Variants in NUP188 observed in about 807,000 individuals in gnomAD.
NUP188 encodes the protein nucleoporin 188.
A neutral mutation model predicts 223.0 loss-of-function variants in NUP188; 97 were observed. The observed-to-expected ratio is 0.43, with a 90% CI of 0.37 to 0.51. NUP188 has a LOEUF of 0.51. Ranked by LOEUF, NUP188 falls within the 20% of genes least tolerant of loss-of-function variation. The probability of loss-of-function intolerance (pLI) is 0.00; values close to 1 mark genes in which losing one functional copy is unlikely to be tolerated. For missense variants in NUP188, 1,947 were observed against 2,175.6 expected (o/e 0.89, Z 2.09); for synonymous variants, 869 against 828.0 (o/e 1.05, Z -0.85).
At chr9:128,990,621 T>C (rs549961970) in intron 25 of NUP188, among the ~76,000 whole-genome samples, 1 of 152,138 alleles carries the variant, frequency 6.6e-6, no homozygotes, top group Non-Finnish European at 1.5e-5. Context: ...TCCCAGCACT[T>C]TGGGAGGCCG....
intron 9 of NUP188, 78 bp from the exon 10 acceptor site, chr9:128,969,322 G>A (rs1842073302): frequency 4.7e-6 from 4 of 859,736 alleles, no homozygotes; most frequent in Non-Finnish European, 7.6e-6. Context: ...TGATATCGCA[G>A]TGTCTTATAT....
intron 17 of NUP188, 29 bp from the exon 18 acceptor site, chr9:128,983,264 T>C (rs745667514): frequency 7.6e-6 from 12 of 1,587,734 alleles, no homozygotes; most frequent in African/African-American, 1.3e-5. Flanking sequence ...ATTTGCTTTA[T>C]TGAGTATAGT....
Position 128,995,355 on chromosome 9 carries a change from G to A in NUP188, c.3192G>A (p.Lys1064=). 2 of 1,614,170 alleles carry A rather than the reference G, an allele frequency of 1.2e-6. No individual in the cohort carries two copies. The highest frequency in any genetic ancestry group is 2.2e-5 in the East Asian group (1 of 44,888). The change falls in exon 30 of 44, where the codon AAG becomes AAA. Residue 1064 remains lysine, a synonymous_variant. Transcript: ENST00000372577. ...ACCAGTCATTAAAGGATACACTGAAGAAATTTTCCATCGAGAAACGCTTTG... is the reference window on the plus strand; with the variant it reads ...ACCAGTCATTAAAGGATACACTGAAAAAATTTTCCATCGAGAAACGCTTTG... ...SLDQSLKDTL[K]KFSIEKRFAY... is the part of the protein sequence containing the mutation.
At chr9:129,001,293 GT>G (rs750839281) in intron 34 of NUP188, among the ~76,000 whole-genome samples, 38 of 152,222 alleles carry the variant, frequency 2.5e-4, no homozygotes, top group Non-Finnish European at 5.1e-4. Flanking sequence ...AGAGGCGGGG[GT>G]AGCTCTGGTC....
At chr9:128,988,787 C>T (rs1214675597) in intron 24 of NUP188, among the ~76,000 whole-genome samples, 3 of 130,032 alleles carry the variant, frequency 2.3e-5, no homozygotes, top group Admixed American at 9.8e-5. Flanking sequence ...AGTGCAGTGG[C>T]GCAATCTCGG....
chr9:129,001,478 T>TTCCTCC, intron 34 of NUP188, 51 bp from the exon 35 acceptor site: 2 of 1,577,996 alleles, frequency 1.3e-6, no homozygotes, highest in Admixed American at 3.3e-5. Context: ...TGTCGTCCTC[T>TTCCTCC]TCCTCCTCCT....
chr9:128,963,282 ATTTT>A (rs1177267491), intron 8 of NUP188, among the ~76,000 whole-genome samples: 1 of 138,766 alleles, frequency 7.2e-6, no homozygotes, highest in African/African-American at 2.7e-5. Context: ...GTAAATGTAA[ATTTT>A]TTTTTTTTTT....
At position 128,972,922 on chromosome 9, in the gene NUP188, G is replaced by A. The variant is rs139093582; in HGVS notation, c.1114-238G>A. ...TCTTTTTCCCCACACAAACTTTGATGATTTTGGCAATAATTCCCTTCTGAT... is the reference window on the plus strand; with the variant it reads ...TCTTTTTCCCCACACAAACTTTGATAATTTTGGCAATAATTCCCTTCTGAT... On this transcript the variant is annotated intron_variant, in intron 11 of 43. Transcript: ENST00000372577. 4.6e-5 allele frequency among the ~76,000 whole-genome samples: 7 copies of A among 152,254 alleles called. No individual in the cohort carries two copies. In the East Asian group the frequency reaches 1.3e-3, roughly 29 times the overall value.
intron 15 of NUP188, 63 bp from the exon 16 acceptor site, chr9:128,982,486 G>A (rs1842269880): frequency 7.3e-7 from 1 of 1,374,296 alleles, no homozygotes; most frequent in Non-Finnish European, 1.0e-6. Flanking sequence ...ATTGATGTCT[G>A]GTAGAGGAGT....
At chr9:129,000,020 G>A (rs1422767933) in intron 34 of NUP188, among the ~76,000 whole-genome samples, 3 of 152,374 alleles carry the variant, frequency 2.0e-5, no homozygotes, top group Non-Finnish European at 2.9e-5. Context: ...TCTCACTTCT[G>A]ACTTGAACTG....
In NUP188 at chr9:128,958,892, A is replaced by G. The variant is rs202203701; in HGVS notation, c.463A>G (p.Arg155Gly). ...TYFQDERHPY[R>G]VEYADCVDKL... ...CTTCCAAGATGAAAGACACCCCTAT[A>G]GGGTAAGCTTGTTTAGTCCTCTTGC... Residue 155 changes from arginine (R) to glycine (G), a missense_variant and splice_region_variant, in exon 7 of 44, where the codon AGG becomes GGG. Physicochemically the swap from Arg to Gly is moderately radical, Grantham distance 125. Around this residue, in one of 3 missense-constraint regions of NUP188, gnomAD observed 817 missense variants for 865.8 expected, o/e 0.94. Coordinates refer to ENST00000372577, the MANE Select transcript of NUP188 (RefSeq NM_015354.3). 175 of 1,582,604 alleles carry G rather than the reference A, an allele frequency of 1.1e-4. No individual in the cohort carries two copies. Among genetic ancestry groups the G allele is most frequent in the Non-Finnish European group, 1.4e-4 (162 of 1,158,758 alleles).
At chr9:129,005,562 CCCTAAAGGCT>C in intron 40 of NUP188, 32 bp downstream of exon 40, 1 of 1,610,708 alleles carries the variant, frequency 6.2e-7, no homozygotes, top group East Asian at 2.2e-5. Flanking sequence ...GCACCACCTC[CCCTAAAGGCT>C]CTGCTCTGCT....
intron 30 of NUP188, 147 bp from the exon 31 acceptor site, chr9:128,998,004 C>A: frequency 1.5e-6 from 1 of 659,270 alleles, no homozygotes; most frequent in Non-Finnish European, 2.8e-6. Context: ...CAGGCATGAG[C>A]CACCACGCCC....
chr9:128,975,932 C>T lies in NUP188; in HGVS notation c.1203+2683C>T, dbSNP rs17481268. Among the ~76,000 whole-genome samples, 410 of 152,242 alleles carry T rather than the reference C, an allele frequency of 2.7e-3. 7 individuals are homozygous for T. In the East Asian group the frequency reaches 0.042, roughly 16 times the overall value. ...TTGTCTCCTGGGTTCAAGTGATTTT[C>T]CTGCCTCATCCCCTTGAGTAGCTGG... is the stretch of plus-strand genomic sequence containing the variant. On this transcript the variant is annotated intron_variant, in intron 12 of 43. Transcript: ENST00000372577.
At chr9:128,999,891 C>A in intron 34 of NUP188, 86 bp downstream of exon 34, 1 of 1,277,978 alleles carries the variant, frequency 7.8e-7, no homozygotes, top group Non-Finnish European at 1.1e-6. Flanking sequence ...GTGATCAAGA[C>A]AGATAGTCGC....
chr9:128,956,207 GTGTGCGTGTGTGTGTT>G, intron 3 of NUP188, 127 bp from the exon 4 acceptor site: 1 of 479,002 alleles, frequency 2.1e-6, no homozygotes, highest in Non-Finnish European at 3.7e-6. Context: ...GTGTGTGTGT[GTGTGCGTGTGTGTGTT>G]TGTGTGTGTG....
chr9:128,980,011 T>C (rs1158806577), intron 13 of NUP188, among the ~76,000 whole-genome samples: 5 of 152,178 alleles, frequency 3.3e-5, no homozygotes, highest in African/African-American at 1.2e-4. Flanking sequence ...AAAGTGCTTT[T>C]AGGAGATTGT....
intron 25 of NUP188, among the ~76,000 whole-genome samples, chr9:128,990,958 C>T (rs1446569001): frequency 3.3e-5 from 5 of 152,158 alleles, no homozygotes; most frequent in African/African-American, 9.7e-5. Flanking sequence ...GCAGAAGTTG[C>T]GGTGAGCTGT....
Position 128,969,469 on chromosome 9 carries a change from C to T in NUP188, c.867C>T (p.Asp289=), listed in dbSNP as rs1842076445. 6.3e-7 allele frequency: 1 copy of T among 1,597,738 alleles called. No individual in the cohort carries two copies. Among genetic ancestry groups the T allele is most frequent in the Non-Finnish European group, 8.5e-7 (1 of 1,174,892 alleles). Reference sequence around the variant, plus strand: ...CCTTGCATAAGTGTGCTTTGGATGACAGAAGAGAACTGCATCAGTTTGCGC... The same window carrying T: ...CCTTGCATAAGTGTGCTTTGGATGATAGAAGAGAACTGCATCAGTTTGCGC... ...IESLHKCALD[D]RRELHQFAQD... Residue 289 remains aspartate, a synonymous_variant, in exon 10 of 44, where the codon GAC becomes GAT. Coordinates refer to ENST00000372577, the MANE Select transcript of NUP188 (RefSeq NM_015354.3).
Sources: gnomAD v4.1 joint callset for allele counts (sites outside exome capture counted in the v4.1 genomes callset) on GRCh38, gnomAD v4.1.1 for gene constraint, gnomAD v4.1.1 regional missense constraint, MANE v1.5 for transcripts, NCBI Gene and HGNC (gene_info 2026-07-23, HGNC 2026-07-21) for gene names.